The following KIF21A variants were observed in gnomAD, a reference collection of about 807,000 sequenced individuals.
KIF21A encodes kinesin family member 21A, also known as kinesin-like protein KIF21A.
In KIF21A, 114 loss-of-function variants were observed where a neutral mutation model predicts 202.9. The ratio of observed to expected loss-of-function variants is 0.56; its 90% CI spans 0.48 to 0.66. The LOEUF (loss-of-function observed/expected upper bound fraction) is 0.66, where lower values mean the gene tolerates loss of function less well. Among genes scored for constraint, KIF21A ranks in the 30% least tolerant of loss-of-function variants. The probability of loss-of-function intolerance (pLI) is 0.00; values close to 1 mark genes in which losing one functional copy is unlikely to be tolerated. For synonymous variants in KIF21A, 667 were observed against 670.8 expected, an observed-to-expected ratio of 0.99 and a Z score of 0.09; for missense variants, 1,677 against 1,994.9, an observed-to-expected ratio of 0.84 and a Z score of 3.04.
intron 1 of KIF21A, among the ~76,000 whole-genome samples, chr12:39,432,358 C>G (rs1247659996): frequency 6.6e-6 from 1 of 152,152 alleles, no homozygotes; most frequent in Non-Finnish European, 1.5e-5. Context: ...TATTCACTCT[C>G]ATCAATTCCA....
chr12:39,339,235 C>A (rs1407340525), intron 16 of KIF21A, among the ~76,000 whole-genome samples: 181 of 130,458 alleles, frequency 1.4e-3, no homozygotes, highest in East Asian at 1.7e-3. Context: ...GACTCCCTCT[C>A]AAAAAAAAAA....
At chr12:39,299,221 G>T (rs577368974) in intron 37 of KIF21A, among the ~76,000 whole-genome samples, 1 of 151,992 alleles carries the variant, frequency 6.6e-6, no homozygotes, top group African/African-American at 2.4e-5. Flanking sequence ...ATCTGACAAA[G>T]GTCTAATATC....
chr12:39,369,626 A>G, intron 3 of KIF21A, 103 bp downstream of exon 3: 1 of 810,654 alleles, frequency 1.2e-6, no homozygotes, highest in East Asian at 2.4e-5. Context: ...TTTATTGAGT[A>G]CTATCTTCAA....
chr12:39,372,612 C>T (rs1374073113), intron 1 of KIF21A, among the ~76,000 whole-genome samples: 1 of 152,144 alleles, frequency 6.6e-6, no homozygotes, highest in Non-Finnish European at 1.5e-5. Context: ...TACTGTAATA[C>T]ATATTAAATG....
intron 1 of KIF21A, among the ~76,000 whole-genome samples, chr12:39,416,659 G>GTA (rs756959146): frequency 0.01 from 1,119 of 111,004 alleles, 122 homozygotes; most frequent in African/African-American, 0.031. Flanking sequence ...ATATATATGT[G>GTA]TATATATATA....
chr12:39,430,208 A>T (rs1937667619), intron 1 of KIF21A, among the ~76,000 whole-genome samples: 2 of 151,674 alleles, frequency 1.3e-5, no homozygotes. Flanking sequence ...AAACAACCTT[A>T]AAAAAATAAA....
chr12:39,337,579 G>A (rs772527886), intron 16 of KIF21A: 12 of 223,834 alleles, frequency 5.4e-5, no homozygotes, highest in Non-Finnish European at 8.0e-5. Flanking sequence ...ATTTTTGTGA[G>A]AATTCAACCA....
chr12:39,322,729 T>C lies in KIF21A; in HGVS notation c.3610A>G (p.Thr1204Ala). ...GAGAGCTCTTTTTCCCTAGCAGAAG[T>C]ACCACTTGTCTCTGTATTCATTCCA... ...EIGMNTETSG[T>A]SAREKELSPP... The change falls in exon 27 of 38, where the codon ACT becomes GCT. Residue 1204 changes from threonine to alanine, a missense_variant. Transcript: ENST00000361418. 1 of 1,614,104 alleles carries C rather than the reference T, an allele frequency of 6.2e-7. No homozygotes were observed. Among genetic ancestry groups the C allele is most frequent in the Non-Finnish European group, 8.5e-7 (1 of 1,180,006 alleles).
At chr12:39,381,206 G>A (rs1234162421) in intron 1 of KIF21A, among the ~76,000 whole-genome samples, 1 of 151,568 alleles carries the variant, frequency 6.6e-6, no homozygotes, top group East Asian at 1.9e-4. Flanking sequence ...TACTCAGGAG[G>A]CTGAGGCAGG....
At chr12:39,302,151 A>G (rs1943021310) in intron 36 of KIF21A, among the ~76,000 whole-genome samples, 1 of 152,226 alleles carries the variant, frequency 6.6e-6, no homozygotes. Flanking sequence ...ATATTTCATG[A>G]TGAGTAAACA....
At chr12:39,332,089 C>T (rs532032981) in intron 21 of KIF21A, 125 bp downstream of exon 21, 1 of 881,592 alleles carries the variant, frequency 1.1e-6, no homozygotes, top group East Asian at 2.5e-5. Flanking sequence ...ACATGTAAAA[C>T]CTAAGCATTA....
intron 24 of KIF21A, among the ~76,000 whole-genome samples, chr12:39,329,167 T>C (rs1335171368): frequency 6.6e-6 from 1 of 152,232 alleles, no homozygotes; most frequent in Non-Finnish European, 1.5e-5. Flanking sequence ...TGCTTTTTAT[T>C]TAGCTCCTTT....
chr12:39,393,721 A>T (rs1460717175), intron 1 of KIF21A, among the ~76,000 whole-genome samples: 1 of 152,240 alleles, frequency 6.6e-6, no homozygotes, highest in Non-Finnish European at 1.5e-5. Flanking sequence ...ATAAATTTTT[A>T]ACTATTTCTG....
intron 29 of KIF21A, 124 bp downstream of exon 29, chr12:39,317,949 T>C (rs1045055280): frequency 3.1e-6 from 3 of 970,174 alleles, no homozygotes; most frequent in Non-Finnish European, 4.8e-6. Flanking sequence ...GCATAAAATA[T>C]GGCAAGAGTT....
At chr12:39,404,376 T>A (rs927370535) in intron 1 of KIF21A, among the ~76,000 whole-genome samples, 1 of 152,168 alleles carries the variant, frequency 6.6e-6, no homozygotes, top group Non-Finnish European at 1.5e-5. Context: ...GGTAACTTGA[T>A]TAGAAATAAA....
intron 6 of KIF21A, among the ~76,000 whole-genome samples, chr12:39,365,830 C>T (rs573174981): frequency 2.6e-5 from 4 of 152,012 alleles, no homozygotes; most frequent in Non-Finnish European, 4.4e-5. Context: ...GGCAATGTGG[C>T]AAAACCCCAT....
chr12:39,303,153 A>T lies in KIF21A; in HGVS notation c.4561-18T>A, dbSNP rs974256639. 9.3e-6 allele frequency: 15 copies of T among 1,612,932 alleles called. No individual in the cohort carries two copies. Among genetic ancestry groups the T allele is most frequent in the Non-Finnish European group, 1.3e-5 (15 of 1,179,024 alleles). ...TCAAACATCTAAAAAGGTAGAAACA[A>T]AGCAGTTATCCTATTTAACTTGCAA... On this transcript the variant is annotated intron_variant, in intron 35 of 37. Transcript: ENST00000361418.
intron 1 of KIF21A, among the ~76,000 whole-genome samples, chr12:39,427,885 C>G (rs924416141): frequency 6.6e-6 from 1 of 152,218 alleles, no homozygotes; most frequent in Non-Finnish European, 1.5e-5. Context: ...TCTCAAGCTC[C>G]TGACCTCAGA....
chr12:39,380,317 C>G (rs1272633537), intron 1 of KIF21A, among the ~76,000 whole-genome samples: 1 of 152,144 alleles, frequency 6.6e-6, no homozygotes, highest in Non-Finnish European at 1.5e-5. Flanking sequence ...TCCTTTCACT[C>G]CCATTCCTGA....
Sources: gnomAD v4.1 joint callset for allele counts (sites outside exome capture counted in the v4.1 genomes callset) on GRCh38, gnomAD v4.1.1 for gene constraint, MANE v1.5 for transcripts, NCBI Gene and HGNC (gene_info 2026-07-23, HGNC 2026-07-21) for gene names.